PRRX2: variants seen among roughly 807,000 people sequenced by gnomAD.
PRRX2 encodes the protein paired mesoderm homeobox protein 2.
In PRRX2, 11 loss-of-function variants were observed where a neutral mutation model predicts 18.0. That is an observed-to-expected ratio of 0.61 (90% CI 0.39 to 1.01). The LOEUF (loss-of-function observed/expected upper bound fraction) is 1.01, where lower values mean the gene tolerates loss of function less well. PRRX2 is among the 50% of genes least tolerant of loss of function. The pLI is 0.01. For missense variants in PRRX2, 387 were observed against 351.0 expected (o/e 1.10, Z -0.82); for synonymous variants, 177 against 154.8 (o/e 1.14, Z -1.06).
rs935374933 is a variant in PRRX2 at position 129,715,388 on chromosome 9, T to G, written c.260-3843T>G. ...AGGCAGGAGAATTGAGGTCAGGAGT[T>G]TAAGACCAGTCTTGGCAACATAGTA... On this transcript the variant is annotated intron_variant, in intron 1 of 3. Coordinates refer to ENST00000372469, the MANE Select transcript of PRRX2 (RefSeq NM_016307.4). This position sits in a 1 kb window ranked among gnomAD's most constrained non-coding sequence, Gnocchi z 4.0. Among the ~76,000 whole-genome samples, 1 of 152,000 alleles carries G rather than the reference T, an allele frequency of 6.6e-6. No homozygotes were observed. Among genetic ancestry groups the G allele is most frequent in the Non-Finnish European group, 1.5e-5 (1 of 68,000 alleles).
In PRRX2 at chr9:129,699,146, G is replaced by A. The variant is rs1177275868; in HGVS notation, c.260-20085G>A. ...ATTAAAAAAATCCATCAATAGGCTG[G>A]GCGCAGTGGCTCACGCCCATAATCC... On this transcript the variant is annotated intron_variant, in intron 1 of 3. Coordinates refer to ENST00000372469, the MANE Select transcript of PRRX2 (RefSeq NM_016307.4). Among the ~76,000 whole-genome samples, 4 of 152,208 alleles carry A rather than the reference G, an allele frequency of 2.6e-5. No individual in the cohort carries two copies. The South Asian group carries it at 6.2e-4, about 24-fold the overall frequency.
At chr9:129,692,081 C>G (rs1299520042) in intron 1 of PRRX2, among the ~76,000 whole-genome samples, 1 of 151,814 alleles carries the variant, frequency 6.6e-6, no homozygotes, top group African/African-American at 2.4e-5. Context: ...GTAGCTGGGA[C>G]TATACAGGTA....
chr9:129,722,133 G>GT, intron 3 of PRRX2, 84 bp from the exon 4 acceptor site: 1 of 1,532,628 alleles, frequency 6.5e-7, no homozygotes, highest in Non-Finnish European at 8.8e-7. Flanking sequence ...AAGGAGGGGG[G>GT]TGGCAGGACC....
In PRRX2 at chr9:129,715,827, C is replaced by T. The variant is rs1433500613; in HGVS notation, c.260-3404C>T. Among the ~76,000 whole-genome samples, 1 of 151,370 alleles carries T rather than the reference C, an allele frequency of 6.6e-6. No homozygotes were observed. Among genetic ancestry groups the T allele is most frequent in the African/African-American group, 2.4e-5 (1 of 41,142 alleles). On this transcript the variant is annotated intron_variant, in intron 1 of 3. Transcript: ENST00000372469. This position sits in a 1 kb window ranked among gnomAD's most constrained non-coding sequence, Gnocchi z 4.0. ...AGTCTCATGGAGCAATTTAACCTTA[C>T]ATCAAATCAGTTGGTTGCTCAAGAG... is the stretch of plus-strand genomic sequence containing the variant.
At chr9:129,670,790 G>A (rs1460962583) in intron 1 of PRRX2, among the ~76,000 whole-genome samples, 1 of 152,216 alleles carries the variant, frequency 6.6e-6, no homozygotes, top group Non-Finnish European at 1.5e-5. Flanking sequence ...ACCAGAGCCA[G>A]GCTTTGGAGG....
chr9:129,674,914 G>C (rs1458516861), intron 1 of PRRX2, among the ~76,000 whole-genome samples: 5 of 152,096 alleles, frequency 3.3e-5, no homozygotes. Flanking sequence ...GTGTTCCCAG[G>C]TCCCACCCTG....
chr9:129,722,077 C>T (rs376999129), intron 3 of PRRX2, 140 bp from the exon 4 acceptor site: 13 of 1,256,662 alleles, frequency 1.0e-5, no homozygotes, highest in African/African-American at 7.5e-5. Flanking sequence ...CCTACAGCTC[C>T]AAATCACCCC....
rs1330592343 is a variant in PRRX2 at position 129,709,573 on chromosome 9, A to T, written c.260-9658A>T. ...GTGCCGAGGCCGGGGAAGCCATGGGATGGGGCCCCCTGGGGACCTGTCTGA... is the reference window on the plus strand; with the variant it reads ...GTGCCGAGGCCGGGGAAGCCATGGGTTGGGGCCCCCTGGGGACCTGTCTGA... On this transcript the variant is annotated intron_variant, in intron 1 of 3. Coordinates refer to ENST00000372469, the MANE Select transcript of PRRX2 (RefSeq NM_016307.4). This position sits in a 1 kb window ranked among gnomAD's most constrained non-coding sequence, Gnocchi z 4.2. Among the ~76,000 whole-genome samples, 1 of 152,110 alleles carries T rather than the reference A, an allele frequency of 6.6e-6. No individual in the cohort carries two copies. The highest frequency in any genetic ancestry group is 1.5e-5 in the Non-Finnish European group (1 of 68,016).
chr9:129,697,351 GC>G, intron 1 of PRRX2, among the ~76,000 whole-genome samples: 1 of 152,028 alleles, frequency 6.6e-6, no homozygotes, highest in South Asian at 2.1e-4. Flanking sequence ...GCCCCCTCCC[GC>G]CCGGCCGGGG....
intron 1 of PRRX2, among the ~76,000 whole-genome samples, chr9:129,687,746 T>C (rs1486239398): frequency 6.6e-6 from 1 of 152,222 alleles, no homozygotes; most frequent in Non-Finnish European, 1.5e-5. Flanking sequence ...AAAGGTAGCA[T>C]GGCCCAGGAG....
Position 129,665,857 on chromosome 9 carries a change from CG to C in PRRX2, c.-10del, listed in dbSNP as rs1329354586. On this transcript the variant is annotated 5_prime_UTR_variant, in exon 1 of 4. Coordinates refer to ENST00000372469, the MANE Select transcript of PRRX2 (RefSeq NM_016307.4). The surrounding 1 kb of genome is among the most constrained non-coding windows in gnomAD (Gnocchi z 5.3). The stretch of plus-strand genomic sequence containing the variant: ...AGACCCCCGCCGGCCCCCCCGGGGC[CG>C]CTCGCGGGCATGGACAGCGCGGCCG... 9.6e-7 allele frequency: 1 copy of C among 1,039,416 alleles called. No individual in the cohort carries two copies. The highest frequency in any genetic ancestry group is 1.2e-6 in the Non-Finnish European group (1 of 868,432). The allele number at this position is 1,039,416 out of a possible 1,614,324, so 64.4% of individuals were successfully genotyped here.
intron 1 of PRRX2, among the ~76,000 whole-genome samples, chr9:129,697,800 C>G (rs984410927): frequency 6.6e-5 from 10 of 152,222 alleles, no homozygotes; most frequent in Middle Eastern, 3.4e-3. Flanking sequence ...CTGTCTCCAC[C>G]CCACAAAGGG....
At position 129,675,867 on chromosome 9, in the gene PRRX2, G is replaced by A. The variant is rs80137034; in HGVS notation, c.259+9741G>A. ...GCGCGGGCCTCCCGTATAAAACCCC[G>A]CAGAACGCCGAGGTCTTGAAAGCCA... On this transcript the variant is annotated intron_variant, in intron 1 of 3. Coordinates refer to ENST00000372469, the MANE Select transcript of PRRX2 (RefSeq NM_016307.4). The surrounding 1 kb of genome is among the most constrained non-coding windows in gnomAD (Gnocchi z 4.4). Among the ~76,000 whole-genome samples, 4,636 of 152,234 alleles carry A rather than the reference G, an allele frequency of 0.03. 224 individuals carry two copies. Among genetic ancestry groups the A allele is most frequent in the African/African-American group, 0.11 (4,391 of 41,524 alleles).
chr9:129,698,222 A>T (rs913076294), intron 1 of PRRX2, among the ~76,000 whole-genome samples: 1 of 93,394 alleles, frequency 1.1e-5, no homozygotes. Context: ...AGCTCCCAGC[A>T]GGGGAGCTTA....
At chr9:129,670,965 G>A (rs1360868973) in intron 1 of PRRX2, among the ~76,000 whole-genome samples, 5 of 152,202 alleles carry the variant, frequency 3.3e-5, no homozygotes, top group African/African-American at 4.8e-5. Context: ...TGGGGTCCTT[G>A]CTTTTGCCTT....
chr9:129,706,131 T>C (rs906547005), intron 1 of PRRX2, among the ~76,000 whole-genome samples: 20 of 152,180 alleles, frequency 1.3e-4, no homozygotes, highest in African/African-American at 4.3e-4. Context: ...TTTCACATAC[T>C]GTACAATCAC....
intron 1 of PRRX2, among the ~76,000 whole-genome samples, chr9:129,692,678 T>G (rs1832376038): frequency 6.6e-6 from 1 of 152,242 alleles, no homozygotes; most frequent in South Asian, 2.1e-4. Context: ...GTTGGCTTCT[T>G]TCACTTAGTA....
At chr9:129,685,116 A>C (rs1390952025) in intron 1 of PRRX2, among the ~76,000 whole-genome samples, 1 of 152,152 alleles carries the variant, frequency 6.6e-6, no homozygotes, top group African/African-American at 2.4e-5. Context: ...CCGTGGGCTG[A>C]GTGGTACTCA....
chr9:129,689,438 TCCC>T (rs36040278), intron 1 of PRRX2, among the ~76,000 whole-genome samples: 13,847 of 152,240 alleles, frequency 0.091, 767 homozygotes, highest in East Asian at 0.19. Flanking sequence ...TTTCCCATTC[TCCC>T]ATCTCCCACT....
Sources: allele counts gnomAD v4.1 joint callset (sites outside exome capture counted in the v4.1 genomes callset), GRCh38; gene constraint gnomAD v4.1.1; non-coding constraint Gnocchi (gnomAD v3.1); transcripts MANE v1.5; gene names NCBI Gene and HGNC (gene_info 2026-07-23, HGNC 2026-07-21).